Variants in GRM5 observed in about 807,000 individuals in gnomAD.
GRM5 encodes metabotropic glutamate receptor 5.
In GRM5, 19 loss-of-function variants were observed where a neutral mutation model predicts 83.1. That is an observed-to-expected ratio of 0.23 (90% CI 0.16 to 0.34). The LOEUF (loss-of-function observed/expected upper bound fraction) is 0.34, where lower values mean the gene tolerates loss of function less well. Ranked by LOEUF, GRM5 falls within the 10% of genes least tolerant of loss-of-function variation. The probability of loss-of-function intolerance (pLI) is 1.00; values close to 1 mark genes in which losing one functional copy is unlikely to be tolerated. For missense variants in GRM5, 1,160 were observed against 1,588.3 expected (o/e 0.73, Z 4.58); for synonymous variants, 675 against 633.6 (o/e 1.07, Z -0.98).
chr11:88,835,613 T>G (rs1944080381), intron 3 of GRM5, among the ~76,000 whole-genome samples: 2 of 152,132 alleles, frequency 1.3e-5, no homozygotes, highest in Non-Finnish European at 2.9e-5. Flanking sequence ...ATGACACAAT[T>G]ACACTTGTTT....
At chr11:88,950,485 A>T (rs1023376998) in intron 2 of GRM5, among the ~76,000 whole-genome samples, 19 of 152,000 alleles carry the variant, frequency 1.3e-4, no homozygotes, top group Admixed American at 1.1e-3. Context: ...ATACCTTCTT[A>T]AATTTTTGCA....
chr11:88,857,564 C>A (rs1360320486), intron 2 of GRM5, among the ~76,000 whole-genome samples: 2 of 151,958 alleles, frequency 1.3e-5, no homozygotes, highest in Non-Finnish European at 2.9e-5. Flanking sequence ...CAGTGAAGCA[C>A]CTCTTCTTAT....
chr11:89,047,687 T>C lies in GRM5; in HGVS notation c.186A>G (p.Glu62=). The C allele has an allele frequency of 6.2e-7, 1 of 1,614,118 alleles. No homozygotes were observed. Among genetic ancestry groups the C allele is most frequent in the South Asian group, 1.1e-5 (1 of 91,088 alleles). ...CCTCCACTCTCTGAATGCCATACTG[T>C]TCACGGACCGCCCCACACTTCCTCT... The part of the protein sequence containing the change: ...VHERKCGAVR[E]QYGIQRVEAM... Residue 62 remains glutamate (E), a synonymous_variant, in exon 2 of 10, where the codon GAA becomes GAG. Transcript: ENST00000305447. This position sits in a 1 kb window ranked among gnomAD's most constrained non-coding sequence, Gnocchi z 5.1.
intron 7 of GRM5, among the ~76,000 whole-genome samples, chr11:88,577,284 T>A (rs1177345902): frequency 6.6e-6 from 1 of 152,166 alleles, no homozygotes; most frequent in East Asian, 1.9e-4. Context: ...CCAGTTGAGC[T>A]ATGGGCATAC....
chr11:88,916,359 G>A (rs916607577), intron 2 of GRM5, among the ~76,000 whole-genome samples: 4 of 152,136 alleles, frequency 2.6e-5, no homozygotes, highest in African/African-American at 9.7e-5. Flanking sequence ...CTTGGTAGAA[G>A]GAGAGTGCAT....
At chr11:88,686,160 T>C (rs1379501561) in intron 3 of GRM5, among the ~76,000 whole-genome samples, 1 of 152,106 alleles carries the variant, frequency 6.6e-6, no homozygotes, top group East Asian at 1.9e-4. Flanking sequence ...CCTAAGACCA[T>C]GGGAGTCCAC....
chr11:88,597,149 C>A, intron 6 of GRM5, 35 bp downstream of exon 6: 1 of 1,416,718 alleles, frequency 7.1e-7, no homozygotes, highest in Non-Finnish European at 9.5e-7. Flanking sequence ...GTTGAATTTA[C>A]AACAAAAATG....
chr11:88,886,917 G>A (rs1945053584), intron 2 of GRM5, among the ~76,000 whole-genome samples: 2 of 152,046 alleles, frequency 1.3e-5, no homozygotes, highest in Non-Finnish European at 2.9e-5. Context: ...AGGAACAGAG[G>A]GTCACCCTCA....
intron 3 of GRM5, 79 bp from the exon 4 acceptor site, chr11:88,653,482 A>AGAT (rs1196038905): frequency 1.1e-6 from 1 of 914,914 alleles, no homozygotes; most frequent in Non-Finnish European, 1.7e-6. Flanking sequence ...CCTTTTGACA[A>AGAT]GATTAGTCAT....
intron 3 of GRM5, among the ~76,000 whole-genome samples, chr11:88,721,358 T>A (rs4604888): frequency 0.9 from 137,309 of 152,096 alleles, 62,471 homozygotes; most frequent in Non-Finnish European, 0.97. Context: ...ATCATTGGAA[T>A]ATTTGAACTA....
intron 2 of GRM5, among the ~76,000 whole-genome samples, chr11:88,985,779 C>A (rs187355405): frequency 1.3e-5 from 2 of 152,004 alleles, no homozygotes; most frequent in African/African-American, 4.8e-5. Flanking sequence ...CAAGTATGCA[C>A]ATCAATCTAT....
chr11:88,629,941 A>G (rs1463412172), intron 4 of GRM5, among the ~76,000 whole-genome samples: 1 of 152,116 alleles, frequency 6.6e-6, no homozygotes, highest in Non-Finnish European at 1.5e-5. Flanking sequence ...CCTCTTTGAC[A>G]TTATCTTCTA....
chr11:88,827,258 A>T (rs1477204259), intron 3 of GRM5, among the ~76,000 whole-genome samples: 1 of 151,988 alleles, frequency 6.6e-6, no homozygotes, highest in African/African-American at 2.4e-5. Flanking sequence ...TCACCTACTG[A>T]CCTCATCTGG....
At chr11:88,556,612 T>G (rs184265298) in intron 8 of GRM5, among the ~76,000 whole-genome samples, 1 of 152,168 alleles carries the variant, frequency 6.6e-6, no homozygotes, top group African/African-American at 2.4e-5. Flanking sequence ...TGAGCCACCA[T>G]GCATGGCCCT....
intron 3 of GRM5, among the ~76,000 whole-genome samples, chr11:88,656,238 C>A (rs1939765776): frequency 6.6e-6 from 1 of 152,144 alleles, no homozygotes; most frequent in Non-Finnish European, 1.5e-5. Context: ...ATTTAAGGCA[C>A]TTTACTAGAT....
At chr11:88,725,356 C>A (rs945801687) in intron 3 of GRM5, among the ~76,000 whole-genome samples, 6 of 152,166 alleles carry the variant, frequency 3.9e-5, no homozygotes, top group Non-Finnish European at 8.8e-5. Flanking sequence ...CTGGTCAGGG[C>A]ATCTCTGAAA....
intron 2 of GRM5, among the ~76,000 whole-genome samples, chr11:88,924,891 C>A (rs1945759542): frequency 1.3e-5 from 2 of 151,884 alleles, no homozygotes; most frequent in Admixed American, 1.3e-4. Flanking sequence ...GTAAGCATTT[C>A]ACTATGTATA....
chr11:88,569,982 G>A (rs978984133), intron 7 of GRM5, among the ~76,000 whole-genome samples: 1 of 152,000 alleles, frequency 6.6e-6, no homozygotes, highest in Non-Finnish European at 1.5e-5. Flanking sequence ...TTCAAAATAT[G>A]CCTAAGGGTA....
chr11:88,794,460 C>A (rs1031949986), intron 3 of GRM5, among the ~76,000 whole-genome samples: 1 of 152,124 alleles, frequency 6.6e-6, no homozygotes, highest in Admixed American at 6.6e-5. Flanking sequence ...AGTCAGACCA[C>A]ATACTTTGAA....
Sources: gnomAD v4.1 joint callset for allele counts (sites outside exome capture counted in the v4.1 genomes callset) on GRCh38, gnomAD v4.1.1 for gene constraint, Gnocchi (gnomAD v3.1) non-coding constraint, MANE v1.5 for transcripts, NCBI Gene and HGNC (gene_info 2026-07-23, HGNC 2026-07-21) for gene names.